The following GRID2 variants were observed in gnomAD, a reference collection of about 807,000 sequenced individuals.
GRID2 encodes glutamate ionotropic receptor delta type subunit 2, also known as glutamate receptor ionotropic, delta-2.
A neutral mutation model predicts 114.8 loss-of-function variants in GRID2; 33 were observed. The ratio of observed to expected loss-of-function variants is 0.29; its 90% CI spans 0.22 to 0.38. The LOEUF (loss-of-function observed/expected upper bound fraction) is 0.38, where lower values mean the gene tolerates loss of function less well. Among genes scored for constraint, GRID2 ranks in the 10% least tolerant of loss-of-function variants. The pLI is 1.00. For missense variants in GRID2, 1,184 were observed against 1,257.7 expected, an observed-to-expected ratio of 0.94 and a Z score of 0.89; for synonymous variants, 505 against 449.9, an observed-to-expected ratio of 1.12 and a Z score of -1.55.
At chr4:92,332,135 T>G (rs561494212) in intron 1 of GRID2, among the ~76,000 whole-genome samples, 1 of 152,314 alleles carries the variant, frequency 6.6e-6, no homozygotes. Flanking sequence ...TTTCTGCTGC[T>G]ATAGGATAAT....
chr4:92,856,104 C>A (rs1744162159), intron 2 of GRID2, among the ~76,000 whole-genome samples: 2 of 152,068 alleles, frequency 1.3e-5, no homozygotes, highest in Non-Finnish European at 2.9e-5. Flanking sequence ...TTATCTGTAT[C>A]TCTACTCCTG....
chr4:92,767,644 C>G (rs116882841), intron 2 of GRID2, among the ~76,000 whole-genome samples: 13 of 151,898 alleles, frequency 8.6e-5, no homozygotes, highest in African/African-American at 1.5e-4. Context: ...CCAGCTACTC[C>G]GGAGACTGAG....
chr4:93,719,403 A>G (rs1284930430), intron 14 of GRID2, among the ~76,000 whole-genome samples: 1 of 151,800 alleles, frequency 6.6e-6, no homozygotes, highest in Non-Finnish European at 1.5e-5. Context: ...AATCCAAGGG[A>G]CTTTTTTTTT....
intron 2 of GRID2, among the ~76,000 whole-genome samples, chr4:92,837,942 C>T (rs993080962): frequency 6.6e-6 from 1 of 151,922 alleles, no homozygotes; most frequent in Non-Finnish European, 1.5e-5. Flanking sequence ...AAGCTTTATT[C>T]CTAGGAGAGA....
intron 14 of GRID2, among the ~76,000 whole-genome samples, chr4:93,672,044 A>G (rs1411640541): frequency 2.0e-5 from 3 of 152,196 alleles, no homozygotes; most frequent in African/African-American, 7.2e-5. Flanking sequence ...CAATGAAGGT[A>G]TCTGTTCTAC....
chr4:93,460,698 CATATTGATAAATTT>C (rs1723656055), intron 11 of GRID2, among the ~76,000 whole-genome samples: 1 of 152,058 alleles, frequency 6.6e-6, no homozygotes, highest in South Asian at 2.1e-4. Context: ...TTAATAAATT[CATATTGATAAATTT>C]AATGAATGGA....
chr4:92,680,490 G>A lies in GRID2; in HGVS notation c.244+90204G>A, dbSNP rs575354136. 1.9e-3 allele frequency among the ~76,000 whole-genome samples: 287 copies of A among 152,102 alleles called. 3 individuals are homozygous for A. The highest frequency in any genetic ancestry group is 0.01 in the Middle Eastern group (3 of 292). On this transcript the variant is annotated intron_variant, in intron 2 of 15. Coordinates refer to ENST00000282020, the MANE Select transcript of GRID2 (RefSeq NM_001510.4). Reference sequence around the variant, plus strand: ...AGAAAATGATATATTTTTAAAAGAGGTCTCCCCCAAAAACAAGCAGTAAAA... The same window carrying A: ...AGAAAATGATATATTTTTAAAAGAGATCTCCCCCAAAAACAAGCAGTAAAA...
At chr4:93,627,642 C>T (rs1488787565) in intron 14 of GRID2, among the ~76,000 whole-genome samples, 1 of 152,212 alleles carries the variant, frequency 6.6e-6, no homozygotes, top group East Asian at 1.9e-4. Context: ...TCTGTGCAAG[C>T]TTCTCATTCC....
intron 2 of GRID2, among the ~76,000 whole-genome samples, chr4:92,686,447 C>G (rs914552367): frequency 2.0e-5 from 3 of 152,002 alleles, no homozygotes; most frequent in African/African-American, 4.8e-5. Flanking sequence ...AATGTCAGGT[C>G]TATCATGTAT....
At chr4:92,548,401 A>AGTTTTTTTTTTTTTT (rs1726385145) in intron 1 of GRID2, among the ~76,000 whole-genome samples, 1 of 60,808 alleles carries the variant, frequency 1.6e-5, no homozygotes, top group Non-Finnish European at 2.7e-5. Context: ...AGACTGTGTA[A>AGTTTTTTTTTTTTTT]TTTTTTTTTT....
At chr4:92,543,942 G>A (rs1383292844) in intron 1 of GRID2, among the ~76,000 whole-genome samples, 1 of 152,052 alleles carries the variant, frequency 6.6e-6, no homozygotes. Flanking sequence ...TTATCCTAAG[G>A]GCTAATTCCA....
intron 1 of GRID2, among the ~76,000 whole-genome samples, chr4:92,402,891 A>G (rs1730855627): frequency 6.6e-6 from 1 of 152,154 alleles, no homozygotes; most frequent in Non-Finnish European, 1.5e-5. Flanking sequence ...TCTTCTTCCA[A>G]TAGGAAGATG....
In GRID2 at chr4:92,686,075, T is replaced by G. The variant is rs187133580; in HGVS notation, c.244+95789T>G. Among the ~76,000 whole-genome samples, 278 of 152,186 alleles carry G rather than the reference T, an allele frequency of 1.8e-3. 2 individuals are homozygous for G. Among genetic ancestry groups the G allele is most frequent in the Admixed American group, 0.013 (198 of 15,288 alleles). On this transcript the variant is annotated intron_variant, in intron 2 of 15. Coordinates refer to ENST00000282020, the MANE Select transcript of GRID2 (RefSeq NM_001510.4). ...AAAAAAGAAGCTGAATGACTCTCTC[T>G]GTAAAGTTTTCCTTTCATCTTGATG...
intron 8 of GRID2, among the ~76,000 whole-genome samples, chr4:93,267,408 G>A (rs984128691): frequency 6.6e-6 from 1 of 152,076 alleles, no homozygotes; most frequent in African/African-American, 2.4e-5. Flanking sequence ...CCCCAGCAGG[G>A]GGTGGAGCAA....
intron 1 of GRID2, among the ~76,000 whole-genome samples, chr4:93,793,934 CTCT>C (rs888556285): frequency 1.3e-5 from 2 of 152,076 alleles, no homozygotes; most frequent in Admixed American, 6.6e-5. Flanking sequence ...AGAATCTTCC[CTCT>C]TTTCAGGGGT....
chr4:93,378,536 T>A (rs549865862), intron 8 of GRID2, among the ~76,000 whole-genome samples: 1 of 152,226 alleles, frequency 6.6e-6, no homozygotes, highest in Admixed American at 6.6e-5. Context: ...AAACCACAAT[T>A]ATAATAAAAT....
At chr4:93,371,768 G>T (rs140720189) in intron 8 of GRID2, among the ~76,000 whole-genome samples, 53 of 106,436 alleles carry the variant, frequency 5.0e-4, no homozygotes, top group African/African-American at 1.9e-3. Context: ...TTTTTTTGGA[G>T]ATGGAGTCTT....
At chr4:92,760,444 A>G (rs1402310529) in intron 2 of GRID2, among the ~76,000 whole-genome samples, 1 of 152,078 alleles carries the variant, frequency 6.6e-6, no homozygotes, top group Non-Finnish European at 1.5e-5. Flanking sequence ...TGAGCAGGTC[A>G]CAGCCAGTGC....
chr4:93,367,080 G>T (rs925058415), intron 8 of GRID2, among the ~76,000 whole-genome samples: 14 of 152,048 alleles, frequency 9.2e-5, no homozygotes, highest in African/African-American at 3.1e-4. Context: ...ATACATAGAT[G>T]AAATGTATGC....
Sources: allele counts gnomAD v4.1 joint callset (sites outside exome capture counted in the v4.1 genomes callset), GRCh38; gene constraint gnomAD v4.1.1; transcripts MANE v1.5; gene names NCBI Gene and HGNC (gene_info 2026-07-23, HGNC 2026-07-21).